The following OTOGL variants were observed in gnomAD, a reference collection of about 807,000 sequenced individuals.
OTOGL encodes otogelin-like protein.
A neutral mutation model predicts 318.5 loss-of-function variants in OTOGL; 285 were observed. The ratio of observed to expected loss-of-function variants is 0.89; its 90% confidence interval spans 0.81 to 0.99. OTOGL has a LOEUF of 0.99. Among genes scored for constraint, OTOGL ranks in the 50% least tolerant of loss-of-function variants. The pLI, the probability that OTOGL is intolerant of heterozygous loss-of-function variation, is 0.00. For synonymous variants in OTOGL, 987 were observed against 936.5 expected (o/e 1.05, Z -0.99); for missense variants, 2,899 against 2,845.6 (o/e 1.02, Z -0.43).
chr12:80,171,918 C>T (rs1874229165), intron 1 of OTOGL, among the ~76,000 whole-genome samples: 1 of 151,984 alleles, frequency 6.6e-6, no homozygotes, highest in Non-Finnish European at 1.5e-5. Context: ...TTTCTGCTTG[C>T]TTTGGATTTA....
At chr12:80,184,740 A>G (rs1392944201) in intron 1 of OTOGL, among the ~76,000 whole-genome samples, 1 of 152,164 alleles carries the variant, frequency 6.6e-6, no homozygotes, top group Non-Finnish European at 1.5e-5. Context: ...TGAGGATTTC[A>G]TTGGTTGAGT....
In OTOGL at chr12:80,336,466, G is replaced by T. The variant is rs142647924; in HGVS notation, c.4654G>T (p.Ala1552Ser). Residue 1552 changes from alanine (A) to serine (S), a missense_variant, in exon 40 of 59, where the codon GCA (alanine) becomes TCA (serine). Around this residue, in one of 3 missense-constraint regions of OTOGL, gnomAD observed 2,607 missense variants for 2,524.9 expected, o/e 1.03. Coordinates refer to ENST00000547103, the MANE Select transcript of OTOGL (RefSeq NM_001378609.3). ...LSIITFDGNN[A>S]ALYSMASYIL... ...CATTATTACATTTGATGGAAACAAC[G>T]CAGCATTATATAGCATGGCTTCTTA... is the stretch of plus-strand genomic sequence containing the variant. 16 of 1,608,736 alleles carry T rather than the reference G, an allele frequency of 9.9e-6. No individual in the cohort carries two copies. In the East Asian group the frequency reaches 3.3e-4, roughly 34 times the overall value.
intron 3 of OTOGL, 78 bp downstream of exon 3, chr12:80,210,964 C>A: frequency 3.1e-6 from 3 of 961,664 alleles, no homozygotes; most frequent in Non-Finnish European, 4.2e-6. Flanking sequence ...GCAACTATAT[C>A]TGCTTTTGAA....
intron 52 of OTOGL, among the ~76,000 whole-genome samples, chr12:80,363,750 A>G (rs1219137995): frequency 1.3e-5 from 2 of 152,132 alleles, no homozygotes; most frequent in Admixed American, 6.6e-5. Context: ...GCAAAATAGC[A>G]TCTTGAGTCA....
chr12:80,353,584 G>T (rs1435944599), intron 46 of OTOGL, 74 bp downstream of exon 46: 15 of 1,186,628 alleles, frequency 1.3e-5, no homozygotes, highest in Non-Finnish European at 1.6e-5. Flanking sequence ...ATATTGCAGA[G>T]ATGTGCTAAC....
intron 9 of OTOGL, among the ~76,000 whole-genome samples, chr12:80,236,895 ACCT>A (rs1879915077): frequency 6.8e-6 from 1 of 147,046 alleles, no homozygotes; most frequent in Non-Finnish European, 1.5e-5. Flanking sequence ...GCTCACTGTA[ACCT>A]CCTCCTCCCG....
Position 80,253,515 on chromosome 12 carries a change from C to G in OTOGL, c.1335C>G (p.Cys445Trp). The part of the protein sequence containing the change: ...GTCISLENCP[C>W]GFHGLAYSVG... Reference sequence around the variant, plus strand: ...GCATCTCCTTGGAAAATTGCCCATGCGGTTTTCATGGATTAGCTTATTCAG... The same window carrying G: ...GCATCTCCTTGGAAAATTGCCCATGGGGTTTTCATGGATTAGCTTATTCAG... Residue 445 changes from cysteine (C) to tryptophan (W), a missense_variant, in exon 14 of 59, where the codon TGC becomes TGG. Cys to Trp is a radical substitution (Grantham distance 215). Coordinates refer to ENST00000547103, the MANE Select transcript of OTOGL (RefSeq NM_001378609.3). 1 of 1,613,240 alleles carries G rather than the reference C, an allele frequency of 6.2e-7. No homozygotes were observed. Among genetic ancestry groups the G allele is most frequent in the Non-Finnish European group, 8.5e-7 (1 of 1,179,376 alleles).
In OTOGL at chr12:80,380,880, A is replaced by G. The variant is rs1400759729; in HGVS notation, c.*2832A>G. Reference sequence around the variant, plus strand: ...ATAGTTGAATAAACTACGTTAATCCACATGTGTAATACTATACATCTGTGA... The same window carrying G: ...ATAGTTGAATAAACTACGTTAATCCGCATGTGTAATACTATACATCTGTGA... On this transcript the variant is annotated 3_prime_UTR_variant, in exon 59 of 59. Transcript: ENST00000547103. The G allele has an allele frequency of 6.6e-6, 1 of 152,170 alleles. No homozygotes were observed. Among genetic ancestry groups the G allele is most frequent in the Non-Finnish European group, 1.5e-5 (1 of 68,002 alleles). 9.4% of individuals were successfully genotyped at this position (152,170 alleles called of 1,614,324 possible).
At chr12:80,322,020 G>A (rs28737324) in intron 34 of OTOGL, among the ~76,000 whole-genome samples, 28,198 of 152,094 alleles carry the variant, frequency 0.19, 2,954 homozygotes, top group African/African-American at 0.28. Context: ...TGGAATCACC[G>A]AGCACACACT....
chr12:80,188,355 T>A (rs1190991301), intron 1 of OTOGL, among the ~76,000 whole-genome samples: 1 of 151,776 alleles, frequency 6.6e-6, no homozygotes, highest in Non-Finnish European at 1.5e-5. Flanking sequence ...CTGACCAACA[T>A]GGTGAAACCC....
intron 1 of OTOGL, among the ~76,000 whole-genome samples, chr12:80,188,759 T>C (rs1875477746): frequency 6.6e-6 from 1 of 152,104 alleles, no homozygotes; most frequent in African/African-American, 2.4e-5. Flanking sequence ...AATAAAGCCA[T>C]CTGGTATATC....
At chr12:80,234,334 T>C (rs923279412) in intron 9 of OTOGL, among the ~76,000 whole-genome samples, 1 of 152,206 alleles carries the variant, frequency 6.6e-6, no homozygotes, top group Non-Finnish European at 1.5e-5. Flanking sequence ...TGTGCTTAGA[T>C]AAGTGTTTGA....
intron 34 of OTOGL, 56 bp downstream of exon 34, chr12:80,320,756 A>C: frequency 7.0e-7 from 1 of 1,430,778 alleles, no homozygotes; most frequent in Middle Eastern, 2.3e-4. Flanking sequence ...TATTAGGCAG[A>C]ATATTTATGT....
At position 80,267,377 on chromosome 12, in the gene OTOGL, T is replaced by C. The variant is rs774047851; in HGVS notation, c.2465+50T>C. 10 of 1,026,030 alleles carry C rather than the reference T, an allele frequency of 9.7e-6. No homozygotes were observed. In the African/African-American group the frequency reaches 1.5e-4, roughly 16 times the overall value. 63.6% of individuals were successfully genotyped at this position (1,026,030 alleles called of 1,614,324 possible). ...GTTTGACAAATGATGTATGTTCTAA[T>C]ATAATTCTTTCTTTTATATATATAT... is the stretch of plus-strand genomic sequence containing the variant. On this transcript the variant is annotated intron_variant, in intron 22 of 58. Transcript: ENST00000547103.
intron 1 of OTOGL, among the ~76,000 whole-genome samples, chr12:80,127,007 C>T (rs542108437): frequency 1.1e-3 from 160 of 152,102 alleles, no homozygotes; most frequent in Non-Finnish European, 1.7e-3. Context: ...TTTGCCAGTC[C>T]GTGTCTTTTA....
chr12:80,348,531 C>A (rs759626121), intron 44 of OTOGL, among the ~76,000 whole-genome samples: 1 of 151,860 alleles, frequency 6.6e-6, no homozygotes, highest in Non-Finnish European at 1.5e-5. Flanking sequence ...TAGTCTTCTA[C>A]CACTGAGCTT....
chr12:80,331,896 T>C (rs1888095615), intron 37 of OTOGL, among the ~76,000 whole-genome samples: 1 of 151,902 alleles, frequency 6.6e-6, no homozygotes, highest in African/African-American at 2.4e-5. Context: ...GGGAAGGTGA[T>C]GTGACAATAG....
chr12:80,358,686 T>G lies in OTOGL; in HGVS notation c.6137T>G (p.Leu2046Arg), dbSNP rs1566013013. The change falls in exon 51 of 59, where the codon CTT becomes CGT. Residue 2046 changes from leucine to arginine, a missense_variant. Leu to Arg is a moderately radical substitution (Grantham distance 102, BLOSUM62 -2). This residue lies in a region of OTOGL where 2,607 missense variants were observed against 2,524.9 expected (regional missense o/e 1.03). Transcript: ENST00000547103. ...TTCTTTTTAGTATGTGAACCAAACCTTTGTCCTATGCCATTACTCAACTGT... is the reference window on the plus strand; with the variant it reads ...TTCTTTTTAGTATGTGAACCAAACCGTTGTCCTATGCCATTACTCAACTGT... ...PQYYCVCEPN[L>R]CPMPLLNCAE... 1 of 1,612,112 alleles carries G rather than the reference T, an allele frequency of 6.2e-7. No individual in the cohort carries two copies. The highest frequency in any genetic ancestry group is 8.5e-7 in the Non-Finnish European group (1 of 1,178,578).
chr12:80,374,171 A>G (rs1309883890), intron 57 of OTOGL, among the ~76,000 whole-genome samples: 1 of 152,184 alleles, frequency 6.6e-6, no homozygotes, highest in Non-Finnish European at 1.5e-5. Context: ...ATTATGAGAG[A>G]GAGATCTGCT....
Sources: gnomAD v4.1 joint callset for allele counts (sites outside exome capture counted in the v4.1 genomes callset) on GRCh38, gnomAD v4.1.1 for gene constraint, gnomAD v4.1.1 regional missense constraint, MANE v1.5 for transcripts, NCBI Gene and HGNC (gene_info 2026-07-23, HGNC 2026-07-21) for gene names.